The following POU2F1 variants were observed in gnomAD, a reference collection of about 807,000 sequenced individuals.
POU2F1 encodes POU class 2 homeobox 1, also known as POU domain, class 2, transcription factor 1.
A neutral mutation model predicts 84.9 loss-of-function variants in POU2F1; 16 were observed. The observed-to-expected ratio is 0.19, with a 90% CI of 0.13 to 0.29. POU2F1 has a LOEUF of 0.29. Ranked by LOEUF, POU2F1 falls within the 10% of genes least tolerant of loss-of-function variation. The pLI is 1.00. For missense variants in POU2F1, 738 were observed against 942.6 expected, an observed-to-expected ratio of 0.78 and a Z score of 2.84; for synonymous variants, 368 against 368.3, an observed-to-expected ratio of 1.00 and a Z score of 0.01.
At chr1:167,371,794 G>A (rs1164327206) in intron 4 of POU2F1, 123 bp from the exon 5 acceptor site, 1 of 1,338,238 alleles carries the variant, frequency 7.5e-7, no homozygotes, top group African/African-American at 1.5e-5. Flanking sequence ...AAGAAAGGAG[G>A]TAAACCAGAA....
intron 1 of POU2F1, among the ~76,000 whole-genome samples, chr1:167,306,199 C>T (rs917769707): frequency 3.9e-5 from 6 of 152,026 alleles, no homozygotes; most frequent in Non-Finnish European, 8.8e-5. Context: ...TTTAAGTTTT[C>T]AGAAGACAAC....
intron 13 of POU2F1, among the ~76,000 whole-genome samples, chr1:167,404,446 G>A (rs1286345039): frequency 6.6e-6 from 1 of 152,158 alleles, no homozygotes; most frequent in Non-Finnish European, 1.5e-5. Context: ...TTCAGCCTAT[G>A]AACAGGAAGC....
intron 2 of POU2F1, among the ~76,000 whole-genome samples, chr1:167,348,009 C>T (rs1658309454): frequency 6.6e-6 from 1 of 152,046 alleles, no homozygotes; most frequent in African/African-American, 2.4e-5. Context: ...TTTATATACA[C>T]GGATTTGTTT....
At chr1:167,395,532 C>A (rs1308993290) in intron 9 of POU2F1, among the ~76,000 whole-genome samples, 1 of 152,086 alleles carries the variant, frequency 6.6e-6, no homozygotes, top group Non-Finnish European at 1.5e-5. Context: ...TCGTAAATAT[C>A]TTGGGTTATC....
intron 1 of POU2F1, among the ~76,000 whole-genome samples, chr1:167,291,541 A>G (rs1653923960): frequency 6.6e-6 from 1 of 152,202 alleles, no homozygotes; most frequent in Non-Finnish European, 1.5e-5. Context: ...ATTTTAGTAC[A>G]AACAAGTGAT....
rs375231344 is a variant in POU2F1, at chr1:167,238,764, A to G, written c.61+17806A>G. 6.0e-4 allele frequency among the ~76,000 whole-genome samples: 92 copies of G among 152,350 alleles called. No homozygotes were observed. The South Asian group carries it at 0.019, about 31-fold the overall frequency. On this transcript the variant is annotated intron_variant, in intron 1 of 15. Coordinates refer to ENST00000367866, the MANE Select transcript of POU2F1 (RefSeq NM_002697.4). ...ACAGTTAGTACAAGGTTACTGGCATAGGGTAGGTTATCAAGAAATGTTTTC... is the reference window on the plus strand; with the variant it reads ...ACAGTTAGTACAAGGTTACTGGCATGGGGTAGGTTATCAAGAAATGTTTTC...
rs537325330 is a variant in POU2F1, at chr1:167,332,416, C to T, written c.62-54C>T. On this transcript the variant is annotated intron_variant, in intron 1 of 15. Transcript: ENST00000367866. ...TCTGCCACAGTTTTGCCTCCTCAAT[C>T]CCATCTCCATCCCCAGTTTTTTAAA... is the stretch of plus-strand genomic sequence containing the variant. 8 of 1,424,890 alleles carry T rather than the reference C, an allele frequency of 5.6e-6. No individual in the cohort carries two copies. In the African/African-American group the frequency reaches 5.6e-5, roughly 10 times the overall value. The allele number at this position is 1,424,890 out of a possible 1,614,324, so 88.3% of individuals were successfully genotyped here.
intron 2 of POU2F1, among the ~76,000 whole-genome samples, chr1:167,354,302 T>C (rs1658791353): frequency 6.6e-6 from 1 of 152,136 alleles, no homozygotes; most frequent in African/African-American, 2.4e-5. Flanking sequence ...TATTTATTTA[T>C]TTATTTTTTG....
intron 9 of POU2F1, 53 bp downstream of exon 9, chr1:167,389,814 A>G: frequency 1.3e-6 from 2 of 1,563,750 alleles, no homozygotes; most frequent in Non-Finnish European, 1.7e-6. Context: ...GTCCAAATAC[A>G]GTTGGCTCTC....
chr1:167,380,913 T>C (rs903095849), intron 7 of POU2F1: 1 of 152,222 alleles, frequency 6.6e-6, no homozygotes, highest in African/African-American at 2.4e-5. Flanking sequence ...TTCTTACTGA[T>C]AGATTACTGG....
chr1:167,269,485 A>C (rs1305956416), intron 1 of POU2F1, among the ~76,000 whole-genome samples: 1 of 152,252 alleles, frequency 6.6e-6, no homozygotes, highest in Non-Finnish European at 1.5e-5. Flanking sequence ...GAAATCGGAC[A>C]GTTAATAAGT....
chr1:167,413,154 TGTGTGTGA>T (rs1468107534), intron 15 of POU2F1, 40 bp downstream of exon 15: 9 of 1,395,848 alleles, frequency 6.4e-6, no homozygotes, highest in African/African-American at 2.0e-5. Flanking sequence ...GGCATGCACG[TGTGTGTGA>T]GTGTGTGTGT....
chr1:167,412,034 C>A lies in POU2F1; in HGVS notation c.1631C>A (p.Ser544Tyr). The part of the protein sequence containing the change: ...TAPPASSAVT[S>Y]PSLSPSPSAS... ...CCTCCAGCTTCCTCAGCAGTCACGT[C>A]CCCCTCTCTGAGTCCCTCCCCTTCT... Residue 544 changes from serine to tyrosine, a missense_variant, in exon 14 of 16, where the codon TCC becomes TAC. Ser to Tyr is a moderately radical substitution (Grantham distance 144). Transcript: ENST00000367866. The A allele has an allele frequency of 6.2e-7, 1 of 1,614,206 alleles. No individual in the cohort carries two copies. The highest frequency in any genetic ancestry group is 8.5e-7 in the Non-Finnish European group (1 of 1,180,034).
intron 9 of POU2F1, among the ~76,000 whole-genome samples, chr1:167,391,559 C>CT (rs1175783404): frequency 0.34 from 19,670 of 57,942 alleles, 7,357 homozygotes; most frequent in East Asian, 0.6. Flanking sequence ...TTATATATAT[C>CT]TTTTTTTTTT....
At chr1:167,250,568 G>A (rs1175553024) in intron 1 of POU2F1, among the ~76,000 whole-genome samples, 1 of 152,168 alleles carries the variant, frequency 6.6e-6, no homozygotes, top group Non-Finnish European at 1.5e-5. Flanking sequence ...TCCCCTCAGA[G>A]GATACTACTT....
In POU2F1 at chr1:167,311,808, A is replaced by G. The variant is rs138339459; in HGVS notation, c.62-20662A>G. On this transcript the variant is annotated intron_variant, in intron 1 of 15. Coordinates refer to ENST00000367866, the MANE Select transcript of POU2F1 (RefSeq NM_002697.4). ...TATTTATTTATTTATTTATTTATTT[A>G]TTTTTTCTTTTGGAGACAGAGTCTT... Among the ~76,000 whole-genome samples the G allele has an allele frequency of 8.2e-3, 1,087 of 132,890 alleles. 18 individuals are homozygous for G. Among genetic ancestry groups the G allele is most frequent in the African/African-American group, 0.029 (1,041 of 35,474 alleles). The allele number at this position is 132,890 out of a possible 152,430, so 87.2% of individuals were successfully genotyped here. A position where few individuals can be genotyped will look rare whatever the true frequency, so the allele number is the denominator to read the frequency against.
At chr1:167,368,238 G>C (rs1401007706) in intron 3 of POU2F1, among the ~76,000 whole-genome samples, 2 of 151,962 alleles carry the variant, frequency 1.3e-5, no homozygotes, top group Non-Finnish European at 2.9e-5. Flanking sequence ...CCAGCTGTTT[G>C]ATAGAATGCC....
chr1:167,221,617 G>A (rs1445429481), intron 1 of POU2F1, among the ~76,000 whole-genome samples: 1 of 150,752 alleles, frequency 6.6e-6, no homozygotes, highest in South Asian at 2.1e-4. Context: ...TGCGCGCGGG[G>A]AGAGCTCCCT....
chr1:167,360,796 T>A (rs1659306011), intron 2 of POU2F1, among the ~76,000 whole-genome samples: 1 of 152,166 alleles, frequency 6.6e-6, no homozygotes, highest in Admixed American at 6.5e-5. Flanking sequence ...GTATAGACAT[T>A]TTAAAGGTAT....
Sources: allele counts gnomAD v4.1 joint callset (sites outside exome capture counted in the v4.1 genomes callset), GRCh38; gene constraint gnomAD v4.1.1; transcripts MANE v1.5; gene names NCBI Gene and HGNC (gene_info 2026-07-23, HGNC 2026-07-21).